The following RASA3 variants were observed in gnomAD, a reference collection of about 807,000 sequenced individuals.
RASA3 encodes RAS p21 protein activator 3, also known as ras GTPase-activating protein 3.
In RASA3, 73 loss-of-function variants were observed where a neutral mutation model predicts 110.0. That is an observed-to-expected ratio of 0.66 (90% confidence interval 0.55 to 0.81). RASA3 has a LOEUF of 0.81. Ranked by LOEUF, RASA3 falls within the 30% of genes least tolerant of loss-of-function variation. The pLI, the probability that RASA3 is intolerant of heterozygous loss-of-function variation, is 0.00. For synonymous variants in RASA3, 500 were observed against 451.4 expected (o/e 1.11, Z -1.37); for missense variants, 976 against 1,113.2 (o/e 0.88, Z 1.75).
At chr13:114,045,321 C>G (rs2079034907) in intron 3 of RASA3, among the ~76,000 whole-genome samples, 1 of 152,258 alleles carries the variant, frequency 6.6e-6, no homozygotes, top group Non-Finnish European at 1.5e-5. Flanking sequence ...GCAAAGGCGG[C>G]TGCCTTCTCA....
At chr13:114,030,872 TCTAC>T (rs1266385932) in intron 4 of RASA3, among the ~76,000 whole-genome samples, 5 of 152,250 alleles carry the variant, frequency 3.3e-5, no homozygotes, top group East Asian at 3.9e-4. Context: ...CGGCTGTGTG[TCTAC>T]CTGTGTGCGT....
At chr13:114,060,217 G>A (rs774619614) in intron 2 of RASA3, among the ~76,000 whole-genome samples, 4 of 152,214 alleles carry the variant, frequency 2.6e-5, no homozygotes, top group Non-Finnish European at 4.4e-5. Flanking sequence ...CAGGACCGGA[G>A]CATGCTGGGA....
chr13:114,034,399 C>A (rs1028797020), intron 4 of RASA3, among the ~76,000 whole-genome samples: 1 of 152,190 alleles, frequency 6.6e-6, no homozygotes, highest in Non-Finnish European at 1.5e-5. Flanking sequence ...TGGTCCCCAG[C>A]AGCAGGCTGT....
At chr13:113,992,317 C>A (rs1044944777) in intron 22 of RASA3, among the ~76,000 whole-genome samples, 168 bp downstream of exon 22, 1 of 152,244 alleles carries the variant, frequency 6.6e-6, no homozygotes. Flanking sequence ...TAGCTGCCTA[C>A]CCTGCAAAAA....
rs1239080226 is a variant in RASA3 at position 114,014,527 on chromosome 13, G to A, written c.1405+682C>T. ...CAAGGAAGAGAGGAGCCGGCAGCAAGGCCCTCGCTGAGCCTCTCAGCGCCC... is the reference window on the plus strand; with the variant it reads ...CAAGGAAGAGAGGAGCCGGCAGCAAAGCCCTCGCTGAGCCTCTCAGCGCCC... On this transcript the variant is annotated intron_variant, in intron 14 of 23. Coordinates refer to ENST00000334062, the MANE Select transcript of RASA3 (RefSeq NM_007368.4). This position sits in a 1 kb window ranked among gnomAD's most constrained non-coding sequence, Gnocchi z 4.5. Among the ~76,000 whole-genome samples the A allele has an allele frequency of 1.3e-5, 2 of 152,162 alleles. No homozygotes were observed. The highest frequency in any genetic ancestry group is 2.9e-5 in the Non-Finnish European group (2 of 68,020).
At chr13:114,054,699 G>A (rs1001381072) in intron 2 of RASA3, among the ~76,000 whole-genome samples, 15 of 152,250 alleles carry the variant, frequency 9.9e-5, no homozygotes, top group South Asian at 2.1e-4. Flanking sequence ...AAACACAGCA[G>A]TATCCATTTA....
intron 2 of RASA3, among the ~76,000 whole-genome samples, chr13:114,067,853 G>T (rs1487509383): frequency 1.3e-5 from 2 of 152,154 alleles, no homozygotes; most frequent in African/African-American, 4.8e-5. Flanking sequence ...AGCTCTAGAA[G>T]ATCTATCTGT....
intron 3 of RASA3, among the ~76,000 whole-genome samples, chr13:114,046,797 C>T (rs1480505388): frequency 6.6e-6 from 1 of 152,220 alleles, no homozygotes; most frequent in East Asian, 1.9e-4. Flanking sequence ...ATGCAGCCAA[C>T]TAAGCTGTAA....
At chr13:114,007,824 G>C (rs530616172) in intron 17 of RASA3, among the ~76,000 whole-genome samples, 1 of 152,226 alleles carries the variant, frequency 6.6e-6, no homozygotes, top group South Asian at 2.1e-4. Context: ...GTGAGAGGCC[G>C]GGCTCAGGCA....
intron 2 of RASA3, among the ~76,000 whole-genome samples, chr13:114,055,163 T>C (rs1413320414): frequency 6.6e-6 from 1 of 152,164 alleles, no homozygotes; most frequent in Non-Finnish European, 1.5e-5. Context: ...CACAGGCACG[T>C]GTGCATGGGT....
intron 5 of RASA3, among the ~76,000 whole-genome samples, chr13:114,028,153 A>T (rs1352503956): frequency 6.9e-6 from 1 of 144,734 alleles, no homozygotes; most frequent in African/African-American, 2.6e-5. Context: ...CATGTGCTTT[A>T]GCGTGGACGC....
chr13:114,033,637 TTGACACCACGTTCCACGGCACCCCCACAC>T (rs2054224693), intron 4 of RASA3, among the ~76,000 whole-genome samples: 1 of 113,114 alleles, frequency 8.8e-6, no homozygotes. Flanking sequence ...ACCCCCACAC[TTGACACCACGTTCCACGGCACCCCCACAC>T]TGACACCACG....
At chr13:114,038,601 T>C (rs1461945695) in intron 4 of RASA3, among the ~76,000 whole-genome samples, 1 of 152,234 alleles carries the variant, frequency 6.6e-6, no homozygotes, top group Non-Finnish European at 1.5e-5. Context: ...GTCAACTTCA[T>C]GAATGAACCC....
intron 1 of RASA3, among the ~76,000 whole-genome samples, chr13:114,100,213 G>A (rs566635524): frequency 6.6e-6 from 1 of 151,722 alleles, no homozygotes; most frequent in Admixed American, 6.5e-5. Flanking sequence ...CCCCGCCCCG[G>A]CCCGCGGTGC....
chr13:114,012,021 A>G (rs2053646128), intron 15 of RASA3, among the ~76,000 whole-genome samples: 1 of 152,082 alleles, frequency 6.6e-6, no homozygotes, highest in African/African-American at 2.4e-5. Flanking sequence ...CGGTCACCCC[A>G]GATCCCTGTA....
At chr13:113,982,738 C>T (rs1421350880) in intron 22 of RASA3, among the ~76,000 whole-genome samples, 1 of 152,198 alleles carries the variant, frequency 6.6e-6, no homozygotes, top group Non-Finnish European at 1.5e-5. Flanking sequence ...GGAGATGAGG[C>T]CTTTGGGAGG....
chr13:114,100,421 C>T (rs1594455695), intron 1 of RASA3, among the ~76,000 whole-genome samples: 3 of 152,328 alleles, frequency 2.0e-5, no homozygotes, highest in Middle Eastern at 3.4e-3. Flanking sequence ...ACTTGGTCAG[C>T]GTGGCCTGGA....
intron 22 of RASA3, among the ~76,000 whole-genome samples, chr13:113,992,146 C>T (rs1001162942): frequency 6.6e-6 from 1 of 152,244 alleles, no homozygotes; most frequent in Non-Finnish European, 1.5e-5. Flanking sequence ...CACATGCAAG[C>T]ACACTCACAT....
intron 1 of RASA3, among the ~76,000 whole-genome samples, chr13:114,079,673 G>A (rs776890913): frequency 2.0e-5 from 3 of 152,226 alleles, no homozygotes; most frequent in Non-Finnish European, 4.4e-5. Context: ...CAGGGTCTCA[G>A]TGAGGCACAG....
Sources: gnomAD v4.1 joint callset for allele counts (sites outside exome capture counted in the v4.1 genomes callset) on GRCh38, gnomAD v4.1.1 for gene constraint, Gnocchi (gnomAD v3.1) non-coding constraint, MANE v1.5 for transcripts, NCBI Gene and HGNC (gene_info 2026-07-23, HGNC 2026-07-21) for gene names.